Variants in ASPM observed in about 807,000 individuals in gnomAD.
ASPM encodes assembly factor for spindle microtubules.
ASPM carries 256 observed loss-of-function variants against 366.4 expected under a neutral mutation model. The ratio of observed to expected loss-of-function variants is 0.70; its 90% CI spans 0.63 to 0.77. ASPM has a LOEUF of 0.77. Ranked by LOEUF, ASPM falls within the 30% of genes least tolerant of loss-of-function variation. ASPM has a pLI of 0.00. For missense variants in ASPM, 4,146 were observed against 4,090.4 expected, an observed-to-expected ratio of 1.01 and a Z score of -0.37; for synonymous variants, 1,414 against 1,342.9, an observed-to-expected ratio of 1.05 and a Z score of -1.16.
chr1:197,111,001 G>A (rs1657567146), intron 17 of ASPM, among the ~76,000 whole-genome samples: 2 of 151,924 alleles, frequency 1.3e-5, no homozygotes, highest in South Asian at 4.1e-4. Context: ...GAAAACCTAG[G>A]AAATACTACT....
intron 16 of ASPM, among the ~76,000 whole-genome samples, chr1:197,120,941 T>C (rs1657889571): frequency 6.6e-6 from 1 of 152,166 alleles, no homozygotes; most frequent in Non-Finnish European, 1.5e-5. Context: ...ATTAGTCTTA[T>C]TTCCAAGTCT....
rs1205571638 is a variant in ASPM, at chr1:197,143,480, G to C, written c.772C>G (p.Leu258Val). The C allele has an allele frequency of 6.8e-6, 11 of 1,613,996 alleles. No homozygotes were observed. In the South Asian group the frequency reaches 1.2e-4, roughly 18 times the overall value. The change falls in exon 3 of 28, where the codon CTA becomes GTA. Residue 258 changes from leucine (L) to valine (V), a missense_variant. Coordinates refer to ENST00000367409, the MANE Select transcript of ASPM (RefSeq NM_018136.5). ...SSLHASENRELLNVHSANVSK... is the reference protein window; with the variant it reads ...SSLHASENREVLNVHSANVSK... ...ACGTTGGCACTGTGTACATTTAATA[G>C]TTCCCTATTTTCTGATGCATGAAGA...
At chr1:197,088,579 T>C (rs1656673054) in intron 25 of ASPM, 147 bp from the exon 26 acceptor site, 3 of 624,774 alleles carry the variant, frequency 4.8e-6, no homozygotes, top group African/African-American at 1.8e-5. Context: ...CTTTGTGAAA[T>C]AGCTTTGATA....
rs770057308 is a variant in ASPM at position 197,143,580 on chromosome 1, A to C, written c.672T>G (p.Ile224Met). Residue 224 changes from isoleucine to methionine, a missense_variant, in exon 3 of 28, where the codon ATT becomes ATG. Around this residue, in one of 3 missense-constraint regions of ASPM, gnomAD observed 512 missense variants for 471.7 expected, o/e 1.09. Coordinates refer to ENST00000367409, the MANE Select transcript of ASPM (RefSeq NM_018136.5). ...LEENKIPISP[I>M]SPAFNECHGA... Reference sequence around the variant, plus strand: ...CATGGCATTCATTGAAAGCAGGGCTAATAGGTGATATGGGTATTTTATTTT... The same window carrying C: ...CATGGCATTCATTGAAAGCAGGGCTCATAGGTGATATGGGTATTTTATTTT... The C allele has an allele frequency of 6.2e-7, 1 of 1,613,438 alleles. No individual in the cohort carries two copies. Among genetic ancestry groups the C allele is most frequent in the Non-Finnish European group, 8.5e-7 (1 of 1,179,914 alleles).
rs753041980 is a variant in ASPM at position 197,101,767 on chromosome 1, C to T, written c.7484G>A (p.Arg2495Lys). The change falls in exon 18 of 28, where the codon AGA becomes AAA. Residue 2495 changes from arginine (R) to lysine (K), a missense_variant. This residue lies in a region of ASPM where 3,624 missense variants were observed against 3,591.7 expected (regional missense o/e 1.01). Coordinates refer to ENST00000367409, the MANE Select transcript of ASPM (RefSeq NM_018136.5). Reference sequence around the variant, plus strand: ...CCAAGTCTGAAATGTAATATATGTTCTGTACATCCTGAAAGTAGCCTGAAT... The same window carrying T: ...CCAAGTCTGAAATGTAATATATGTTTTGTACATCCTGAAAGTAGCCTGAAT... The part of the protein sequence containing the change: ...VLIQATFRMY[R>K]TYITFQTWKH... 1 of 1,612,574 alleles carries T rather than the reference C, an allele frequency of 6.2e-7. No individual in the cohort carries two copies. Among genetic ancestry groups the T allele is most frequent in the South Asian group, 1.1e-5 (1 of 91,060 alleles).
intron 17 of ASPM, among the ~76,000 whole-genome samples, chr1:197,116,430 T>C (rs554303643): frequency 5.9e-5 from 9 of 152,308 alleles, no homozygotes; most frequent in African/African-American, 2.2e-4. Flanking sequence ...TACCAAACTA[T>C]GACACAAACA....
In ASPM at chr1:197,146,642, A is replaced by T. The variant is rs766633878; in HGVS notation, c.-205T>A. ...AATAAACTCGCAAATTAAAAAGAGGAGCCAAACAAGTATGGCGTTTTGACT... is the reference window on the plus strand; with the variant it reads ...AATAAACTCGCAAATTAAAAAGAGGTGCCAAACAAGTATGGCGTTTTGACT... On this transcript the variant is annotated 5_prime_UTR_variant, in exon 1 of 28. Transcript: ENST00000367409. The T allele has an allele frequency of 9.3e-5, 58 of 623,946 alleles. 1 individual carries two copies. Among genetic ancestry groups the T allele is most frequent in the Non-Finnish European group, 1.3e-4 (47 of 359,458 alleles). The allele number at this position is 623,946 out of a possible 1,614,324, so 38.7% of individuals were successfully genotyped here. A position where few individuals can be genotyped will look rare whatever the true frequency, so the allele number is the denominator to read the frequency against.
chr1:197,138,658 A>G, intron 4 of ASPM: 1 of 539,812 alleles, frequency 1.9e-6, no homozygotes, highest in Non-Finnish European at 3.3e-6. Flanking sequence ...TAAAATAAGA[A>G]CTTCAATCAG....
chr1:197,129,899 A>G lies in ASPM; in HGVS notation c.2629+16T>C, dbSNP rs1416419894. ...GTATAATGTGGAGAGAATGTAGGAG[A>G]GGCAGAGATACTTACCATCTCTATA... is the stretch of plus-strand genomic sequence containing the variant. On this transcript the variant is annotated intron_variant, in intron 8 of 27. Coordinates refer to ENST00000367409, the MANE Select transcript of ASPM (RefSeq NM_018136.5). 6.2e-7 allele frequency: 1 copy of G among 1,605,892 alleles called. No individual in the cohort carries two copies. Among genetic ancestry groups the G allele is most frequent in the Non-Finnish European group, 8.5e-7 (1 of 1,172,808 alleles).
Position 197,101,823 on chromosome 1 carries a change from C to A in ASPM, c.7428G>T (p.Lys2476Asn), listed in dbSNP as rs200654820. Residue 2476 changes from lysine (K) to asparagine (N), a missense_variant, in exon 18 of 28, where the codon AAG (lysine) becomes AAT (asparagine). By Grantham distance (94) the Lys-to-Asn change is moderately conservative. Transcript: ENST00000367409. ...SSYRRLMVKKKLQEMQRAAVL... is the reference protein window; with the variant it reads ...SSYRRLMVKKNLQEMQRAAVL... ...CTGCAGCCCTTTGCATTTCTTGTAACTTCTTCTTTACCATCAGTCTTCTGT... is the reference window on the plus strand; with the variant it reads ...CTGCAGCCCTTTGCATTTCTTGTAAATTCTTCTTTACCATCAGTCTTCTGT... 467 of 1,612,668 alleles carry A rather than the reference C, an allele frequency of 2.9e-4. No homozygotes were observed. The highest frequency in any genetic ancestry group is 3.8e-4 in the Non-Finnish European group (447 of 1,179,292).
chr1:197,089,192 T>C (rs1438067699), intron 25 of ASPM, among the ~76,000 whole-genome samples: 1 of 152,004 alleles, frequency 6.6e-6, no homozygotes. Context: ...CTCAAGCAGT[T>C]TGGCCTCAGA....
chr1:197,128,348 A>AC, intron 10 of ASPM, 142 bp downstream of exon 10: 1 of 870,092 alleles, frequency 1.1e-6, no homozygotes, highest in Non-Finnish European at 1.8e-6. Flanking sequence ...TCCCTGAAAA[A>AC]AAAAAAAAAA....
At chr1:197,140,243 G>C (rs1227762698) in intron 3 of ASPM, among the ~76,000 whole-genome samples, 1 of 152,204 alleles carries the variant, frequency 6.6e-6, no homozygotes, top group East Asian at 1.9e-4. Flanking sequence ...AATGGTAGAA[G>C]AGCCTTCCCA....
intron 4 of ASPM, among the ~76,000 whole-genome samples, chr1:197,136,285 A>G (rs1446613149): frequency 5.3e-5 from 8 of 152,230 alleles, no homozygotes; most frequent in Admixed American, 5.2e-4. Context: ...CAGTAACTAT[A>G]TAAGTAAATA....
rs533875850 is a variant in ASPM, at chr1:197,102,279, T to A, written c.6972A>T (p.Arg2324Ser). 16 of 1,612,796 alleles carry A rather than the reference T, an allele frequency of 9.9e-6. No homozygotes were observed. Among genetic ancestry groups the A allele is most frequent in the Non-Finnish European group, 1.2e-5 (14 of 1,179,244 alleles). Residue 2324 changes from arginine (R) to serine (S), a missense_variant, in exon 18 of 28, where the codon AGA becomes AGT. By Grantham distance (110) the Arg-to-Ser change is moderately radical. Transcript: ENST00000367409. The stretch of plus-strand genomic sequence containing the variant: ...CTCGCATCCTTTTCCTTATCATCCA[T>A]CTTCTGTATGATGACTGGATTTTAA... Reference protein sequence around the residue: ...AVIKIQSSYRRWMIRKRMREM... With the variant: ...AVIKIQSSYRSWMIRKRMREM...
chr1:197,143,498 C>T lies in ASPM; in HGVS notation c.754G>A (p.Ala252Thr). Residue 252 changes from alanine to threonine, a missense_variant, in exon 3 of 28, where the codon GCA becomes ACA. By Grantham distance (58) the Ala-to-Thr change is moderately conservative. Around this residue, in one of 3 missense-constraint regions of ASPM, gnomAD observed 512 missense variants for 471.7 expected, o/e 1.09. Coordinates refer to ENST00000367409, the MANE Select transcript of ASPM (RefSeq NM_018136.5). The part of the protein sequence containing the change: ...RRSTTYSSLH[A>T]SENRELLNVH... ...TTTAATAGTTCCCTATTTTCTGATG[C>T]ATGAAGAGATGAGTAGGTAGTAGAT... 1.4e-5 allele frequency: 22 copies of T among 1,613,978 alleles called. No homozygotes were observed. The highest frequency in any genetic ancestry group is 1.9e-5 in the Non-Finnish European group (22 of 1,179,924).
rs1404216011 is a variant in ASPM, at chr1:197,086,691, G to A, written c.10331+112C>T. 12 of 913,936 alleles carry A rather than the reference G, an allele frequency of 1.3e-5. No homozygotes were observed. The East Asian group carries it at 2.9e-4, about 22-fold the overall frequency. The allele number at this position is 913,936 out of a possible 1,614,324, so 56.6% of individuals were successfully genotyped here. On this transcript the variant is annotated intron_variant, in intron 27 of 27. Coordinates refer to ENST00000367409, the MANE Select transcript of ASPM (RefSeq NM_018136.5). ...CCAAACATTCCATTCTTATTCATAT[G>A]TTGTTTCTCCACTGAAAAGCACATC...
chr1:197,146,586 A>C lies in ASPM; in HGVS notation c.-149T>G. On this transcript the variant is annotated 5_prime_UTR_variant, in exon 1 of 28. Transcript: ENST00000367409. The stretch of plus-strand genomic sequence containing the variant: ...ATTCGGCCCTTTTTCTTTTCCACTA[A>C]CCTACTCCCTAGAAAACAGAAAACA... The C allele has an allele frequency of 6.5e-6, 5 of 771,644 alleles. No individual in the cohort carries two copies. The highest frequency in any genetic ancestry group is 1.1e-5 in the Non-Finnish European group (5 of 472,288). The allele number at this position is 771,644 out of a possible 1,614,324, so 47.8% of individuals were successfully genotyped here.
At chr1:197,108,311 G>T (rs1361453478) in intron 17 of ASPM, among the ~76,000 whole-genome samples, 1 of 151,918 alleles carries the variant, frequency 6.6e-6, no homozygotes, top group Non-Finnish European at 1.5e-5. Flanking sequence ...AAAAGTGGAA[G>T]GACTCAAATC....
Sources: gnomAD v4.1 joint callset for allele counts (sites outside exome capture counted in the v4.1 genomes callset) on GRCh38, gnomAD v4.1.1 for gene constraint, gnomAD v4.1.1 regional missense constraint, MANE v1.5 for transcripts, NCBI Gene and HGNC (gene_info 2026-07-23, HGNC 2026-07-21) for gene names.